The following CLTCL1 variants were observed in gnomAD, a reference collection of about 807,000 sequenced individuals.
CLTCL1 encodes the protein clathrin heavy chain 2.
A neutral mutation model predicts 190.0 loss-of-function variants in CLTCL1; 159 were observed. The ratio of observed to expected loss-of-function variants is 0.84; its 90% CI spans 0.74 to 0.95. The LOEUF is 0.95. Ranked by LOEUF, CLTCL1 falls within the 40% of genes least tolerant of loss-of-function variation. The probability of loss-of-function intolerance (pLI) is 0.00; values close to 1 mark genes in which losing one functional copy is unlikely to be tolerated. For synonymous variants in CLTCL1, 752 were observed against 769.6 expected (o/e 0.98, Z 0.38); for missense variants, 1,878 against 2,033.4 (o/e 0.92, Z 1.47).
chr22:19,282,833 G>A (rs1038409802), intron 1 of CLTCL1, among the ~76,000 whole-genome samples: 2 of 150,976 alleles, frequency 1.3e-5, no homozygotes, highest in African/African-American at 2.4e-5. Flanking sequence ...CCAGAAAAGT[G>A]ATGTGCTGAA....
intron 2 of CLTCL1, among the ~76,000 whole-genome samples, chr22:19,265,188 T>G (rs2087081390): frequency 6.6e-6 from 1 of 152,228 alleles, no homozygotes; most frequent in African/African-American, 2.4e-5. Context: ...ATTATCAACT[T>G]AAGTTTAAAC....
rs1440872044 is a variant in CLTCL1, at chr22:19,183,424, T to C, written c.4793A>G (p.Tyr1598Cys). The change falls in exon 30 of 33, where the codon TAC becomes TGC. Residue 1598 changes from tyrosine to cysteine, a missense_variant. By Grantham distance (194) the Tyr-to-Cys change is radical (BLOSUM62 -2). Transcript: ENST00000427926. ...RHNLVDLAMP[Y>C]FIQVMREYLS... is the part of the protein sequence containing the mutation. ...GTACTCCCTCATCACCTGGATGAAG[T>C]AGGGCATGGCCAAGTCCACGAGGTT... is the stretch of plus-strand genomic sequence containing the variant. 3.7e-6 allele frequency: 6 copies of C among 1,613,400 alleles called. No homozygotes were observed. Among genetic ancestry groups the C allele is most frequent in the Admixed American group, 1.7e-5 (1 of 60,000 alleles).
chr22:19,192,036 C>T (rs527566100), intron 26 of CLTCL1, among the ~76,000 whole-genome samples: 1 of 151,812 alleles, frequency 6.6e-6, no homozygotes, highest in African/African-American at 2.4e-5. Context: ...ACTGGTCTGC[C>T]ACCATTCTCT....
intron 7 of CLTCL1, among the ~76,000 whole-genome samples, chr22:19,234,090 A>C (rs569074537): frequency 8.6e-4 from 131 of 152,352 alleles, no homozygotes; most frequent in African/African-American, 3.1e-3. Context: ...AAACCCAAGA[A>C]AAAGCCATAT....
rs111600526 is a variant in CLTCL1, at chr22:19,277,202, A to C, written c.43-1372T>G. ...TTGTTTGTCTTTTGTAGCAGAGTCT[A>C]GCACATACTGGATGTTCCAGCTGCT... On this transcript the variant is annotated intron_variant, in intron 1 of 32. Transcript: ENST00000427926. 1.8e-3 allele frequency among the ~76,000 whole-genome samples: 281 copies of C among 152,316 alleles called. 1 individual carries two copies. The highest frequency in any genetic ancestry group is 6.5e-3 in the African/African-American group (271 of 41,574).
Position 19,253,972 on chromosome 22 carries a change from C to T in CLTCL1, c.506G>A (p.Gly169Asp), listed in dbSNP as rs564477345. Reference sequence around the variant, plus strand: ...CTCAAGGCTTACCTGAGCCGAGATGCCTACGAGCAGCAGCCACTTCTGGTA... The same window carrying T: ...CTCAAGGCTTACCTGAGCCGAGATGTCTACGAGCAGCAGCCACTTCTGGTA... Reference protein sequence around the residue: ...DEYQKWLLLVGISAQQNRVVG... With the variant: ...DEYQKWLLLVDISAQQNRVVG... The change falls in exon 3 of 33, where the codon GGC (glycine) becomes GAC (aspartate). Residue 169 changes from glycine (G) to aspartate (D), a missense_variant. Gly to Asp is a moderately conservative substitution (Grantham distance 94). Transcript: ENST00000427926. 8.0e-5 allele frequency: 129 copies of T among 1,612,076 alleles called. No homozygotes were observed. Among genetic ancestry groups the T allele is most frequent in the African/African-American group, 1.3e-5 (1 of 74,896 alleles).
chr22:19,216,196 C>T lies in CLTCL1; in HGVS notation c.2980G>A (p.Ala994Thr). The change falls in exon 19 of 33, where the codon GCC (alanine) becomes ACC (threonine). Residue 994 changes from alanine to threonine, a missense_variant. Physicochemically the swap from Ala to Thr is moderately conservative, Grantham distance 58. Coordinates refer to ENST00000427926, the MANE Select transcript of CLTCL1 (RefSeq NM_007098.4). Reference sequence around the variant, plus strand: ...TTAGGCAGGTCGGCTGTCATAAAGGCTTTGACAGTGACCGAAATCTCTTCA... The same window carrying T: ...TTAGGCAGGTCGGCTGTCATAAAGGTTTTGACAGTGACCGAAATCTCTTCA... Reference protein sequence around the residue: ...DPEEISVTVKAFMTADLPNEL... With the variant: ...DPEEISVTVKTFMTADLPNEL... 2 of 1,613,752 alleles carry T rather than the reference C, an allele frequency of 1.2e-6. No homozygotes were observed. The highest frequency in any genetic ancestry group is 1.7e-6 in the Non-Finnish European group (2 of 1,179,636).
intron 22 of CLTCL1, among the ~76,000 whole-genome samples, chr22:19,202,386 CG>C (rs2084914557): frequency 6.6e-6 from 1 of 150,996 alleles, no homozygotes; most frequent in Non-Finnish European, 1.5e-5. Flanking sequence ...CAGCACCTCC[CG>C]CACCAACCCT....
At chr22:19,209,247 C>A (rs1227807692) in intron 20 of CLTCL1, 133 bp from the exon 21 acceptor site, 55 of 703,852 alleles carry the variant, frequency 7.8e-5, no homozygotes, top group Non-Finnish European at 1.1e-4. Context: ...CAATCAGGTA[C>A]TAAGCATTTC....
At chr22:19,288,932 C>A (rs1555991680) in intron 1 of CLTCL1, among the ~76,000 whole-genome samples, 3 of 152,220 alleles carry the variant, frequency 2.0e-5, no homozygotes. Context: ...TCAAATGCGG[C>A]TGGACATCAC....
intron 18 of CLTCL1, among the ~76,000 whole-genome samples, chr22:19,216,558 C>A (rs781853033): frequency 2.0e-5 from 3 of 152,208 alleles, no homozygotes; most frequent in Non-Finnish European, 4.4e-5. Context: ...TCTCTTAAAG[C>A]CACTAATAGC....
intron 1 of CLTCL1, among the ~76,000 whole-genome samples, chr22:19,277,746 G>C (rs1222916152): frequency 6.6e-6 from 1 of 152,108 alleles, no homozygotes; most frequent in African/African-American, 2.4e-5. Context: ...CGCCAGATGT[G>C]GGGGGGTTTC....
At chr22:19,191,790 T>C (rs2084515269) in intron 26 of CLTCL1, among the ~76,000 whole-genome samples, 2 of 152,176 alleles carry the variant, frequency 1.3e-5, no homozygotes, top group Non-Finnish European at 2.9e-5. Flanking sequence ...TATGTTTCCA[T>C]CCAAGCAAGA....
intron 29 of CLTCL1, chr22:19,184,774 C>A: frequency 2.9e-6 from 1 of 340,428 alleles, no homozygotes; most frequent in Non-Finnish European, 5.8e-6. Flanking sequence ...AGAAGCAGCC[C>A]CCAGGAAGCT....
intron 1 of CLTCL1, among the ~76,000 whole-genome samples, chr22:19,282,438 G>A (rs1394731269): frequency 2.6e-5 from 4 of 151,554 alleles, no homozygotes; most frequent in African/African-American, 9.7e-5. Context: ...AGGAGTTCAA[G>A]ACCAGCCTGG....
intron 27 of CLTCL1, among the ~76,000 whole-genome samples, chr22:19,190,231 T>G (rs1254097976): frequency 6.6e-6 from 1 of 152,234 alleles, no homozygotes; most frequent in African/African-American, 2.4e-5. Context: ...GTGTTGGGAT[T>G]ACAGGCATAA....
intron 17 of CLTCL1, among the ~76,000 whole-genome samples, chr22:19,221,090 C>T (rs1217007991): frequency 1.3e-5 from 2 of 152,104 alleles, no homozygotes; most frequent in African/African-American, 2.4e-5. Context: ...GAGGAGCTCA[C>T]GAGTCAGGCC....
At chr22:19,211,627 C>CATG (rs1452719652) in intron 19 of CLTCL1, among the ~76,000 whole-genome samples, 2 of 151,708 alleles carry the variant, frequency 1.3e-5, no homozygotes, top group Non-Finnish European at 2.9e-5. Flanking sequence ...ATTAGCTGGG[C>CATG]GTGGTGGCAG....
intron 3 of CLTCL1, among the ~76,000 whole-genome samples, chr22:19,246,454 T>C (rs1175935319): frequency 6.6e-6 from 1 of 151,972 alleles, no homozygotes; most frequent in Non-Finnish European, 1.5e-5. Flanking sequence ...TTCCAATTTC[T>C]CCATAACATT....
Sources: allele counts gnomAD v4.1 joint callset (sites outside exome capture counted in the v4.1 genomes callset), GRCh38; gene constraint gnomAD v4.1.1; transcripts MANE v1.5; gene names NCBI Gene and HGNC (gene_info 2026-07-23, HGNC 2026-07-21).